Variants in MCF2 observed in about 807,000 individuals in gnomAD.
MCF2 encodes the protein MCF.2 cell line derived transforming sequence.
A neutral mutation model predicts 82.5 loss-of-function variants in MCF2; 44 were observed. That is an observed-to-expected ratio of 0.53 (90% CI 0.42 to 0.69). The LOEUF (loss-of-function observed/expected upper bound fraction) is 0.69. MCF2 is among the 30% of genes least tolerant of loss of function. The pLI is 0.00. For missense variants in MCF2, 623 were observed against 663.1 expected, an observed-to-expected ratio of 0.94 and a Z score of 0.66; for synonymous variants, 217 against 224.9, an observed-to-expected ratio of 0.96 and a Z score of 0.32.
chrX:139,673,303 A>T (rs1425714918), intron 1 of MCF2, among the ~76,000 whole-genome samples: 8 of 109,653 alleles, frequency 7.3e-5, no homozygotes, highest in African/African-American at 2.6e-4. Context: ...GGTTTTTTGC[A>T]TCTCTATCTC....
intron 13 of MCF2, among the ~76,000 whole-genome samples, chrX:139,605,278 T>C (rs937086189): frequency 9.1e-6 from 1 of 109,967 alleles, no homozygotes; most frequent in Non-Finnish European, 1.9e-5. Context: ...GGAAACAAGA[T>C]AGAAACCAAG....
intron 2 of MCF2, among the ~76,000 whole-genome samples, chrX:139,650,258 G>A (rs1933951432): frequency 9.0e-6 from 1 of 111,680 alleles, no homozygotes; most frequent in African/African-American, 3.3e-5. Context: ...GGAGGCTGAG[G>A]TGGAAGGATC....
chrX:139,706,771 CA>C (rs1392609214), intron 1 of MCF2, among the ~76,000 whole-genome samples: 1 of 109,919 alleles, frequency 9.1e-6, no homozygotes, highest in East Asian at 2.8e-4. Context: ...CTGGATTCTA[CA>C]AACTAATGGA....
intron 4 of MCF2, among the ~76,000 whole-genome samples, chrX:139,629,374 T>A (rs1932846096): frequency 8.9e-6 from 1 of 111,995 alleles, no homozygotes; most frequent in Admixed American, 9.5e-5. Flanking sequence ...TATATGTGGT[T>A]CATCATTGAT....
chrX:139,699,463 C>G (rs771382087), intron 1 of MCF2, among the ~76,000 whole-genome samples: 4 of 112,044 alleles, frequency 3.6e-5, no homozygotes, highest in African/African-American at 1.3e-4. Flanking sequence ...AACATCTCAT[C>G]GTCCCCAAAA....
At chrX:139,616,705 T>A (rs1261850261) in intron 8 of MCF2, among the ~76,000 whole-genome samples, 3 of 110,916 alleles carry the variant, frequency 2.7e-5, no homozygotes, top group South Asian at 3.8e-4. Flanking sequence ...ATACTGCTGA[T>A]ACACAGCCGA....
At chrX:139,702,748 G>T (rs951664433) in intron 1 of MCF2, among the ~76,000 whole-genome samples, 2 of 112,579 alleles carry the variant, frequency 1.8e-5, no homozygotes, top group African/African-American at 6.4e-5. Context: ...GAAGGGAAGT[G>T]CAGAGCTGGC....
At chrX:139,633,087 T>C (rs1469757122) in intron 1 of MCF2, among the ~76,000 whole-genome samples, 1 of 111,473 alleles carries the variant, frequency 9.0e-6, no homozygotes, top group Non-Finnish European at 1.9e-5. Context: ...GGAATTAGAA[T>C]AATATACAAG....
At chrX:139,613,728 T>G (rs1931674592) in intron 10 of MCF2, among the ~76,000 whole-genome samples, 1 of 111,239 alleles carries the variant, frequency 9.0e-6, no homozygotes, top group African/African-American at 3.3e-5. Context: ...GCTATCGGGT[T>G]TTATCCCCTT....
At chrX:139,631,327 T>A in intron 3 of MCF2, 68 bp downstream of exon 6, 1 of 625,685 alleles carries the variant, frequency 1.6e-6, no homozygotes, top group Middle Eastern at 3.3e-4. Flanking sequence ...AGGAAAGAAT[T>A]CTAGAACTAG....
intron 9 of MCF2, 51 bp from the exon 13 acceptor site, chrX:139,615,103 A>T: frequency 1.0e-6 from 1 of 953,547 alleles, no homozygotes; most frequent in Non-Finnish European, 1.5e-6. Flanking sequence ...TGAGGTCATT[A>T]CAAACCCCAT....
At chrX:139,595,466 C>G in intron 19 of MCF2, among the ~76,000 whole-genome samples, 1 of 105,702 alleles carries the variant, frequency 9.5e-6, no homozygotes, top group African/African-American at 3.4e-5. Context: ...TCTCAGTAAA[C>G]TATCGCAAGA....
At chrX:139,652,434 T>C (rs1455626295) in intron 1 of MCF2, among the ~76,000 whole-genome samples, 1 of 111,441 alleles carries the variant, frequency 9.0e-6, no homozygotes, top group East Asian at 2.8e-4. Flanking sequence ...GCAAACTAAA[T>C]GTGAAATACC....
chrX:139,631,676 T>C (rs1316290891), intron 2 of MCF2, among the ~76,000 whole-genome samples, 165 bp from the exon 6 acceptor site: 1 of 111,648 alleles, frequency 9.0e-6, no homozygotes, highest in Non-Finnish European at 1.9e-5. Flanking sequence ...GCTACCTTCT[T>C]CAGATAATAA....
intron 1 of MCF2, chrX:139,702,174 T>A (rs1935511790): frequency 8.9e-6 from 1 of 112,439 alleles, no homozygotes; most frequent in Non-Finnish European, 1.9e-5. Flanking sequence ...TGTTCGTTCA[T>A]AGCAATGACA....
intron 4 of MCF2, 116 bp from the exon 8 acceptor site, chrX:139,626,872 C>A: frequency 1.6e-6 from 1 of 613,100 alleles, no homozygotes; most frequent in Non-Finnish European, 2.4e-6. Flanking sequence ...TCTAGAATGG[C>A]CTTTGCTTTC....
At chrX:139,705,655 T>C (rs1057036723) in intron 1 of MCF2, among the ~76,000 whole-genome samples, 4 of 112,248 alleles carry the variant, frequency 3.6e-5, no homozygotes, top group Admixed American at 1.9e-4. Flanking sequence ...TTGGCCTTGG[T>C]AAAGAATTTT....
intron 10 of MCF2, among the ~76,000 whole-genome samples, chrX:139,614,507 ATGTG>A (rs10578610): frequency 1.9e-3 from 191 of 103,020 alleles, no homozygotes; most frequent in East Asian, 0.011. Flanking sequence ...AGCAGTAAAT[ATGTG>A]TGTGTGTGTG....
upstream of MCF2, among the ~76,000 whole-genome samples, chrX:139,644,907 C>G (rs766280423): frequency 1.8e-5 from 2 of 111,683 alleles, no homozygotes; most frequent in African/African-American, 6.5e-5. Flanking sequence ...TCTCCCTCCT[C>G]GTCTATGAAA....
Sources: allele counts gnomAD v4.1 joint callset (sites outside exome capture counted in the v4.1 genomes callset), GRCh38; gene constraint gnomAD v4.1.1; transcripts MANE v1.5; gene names NCBI Gene and HGNC (gene_info 2026-07-23, HGNC 2026-07-21).